Variants in PCLO observed in about 807,000 individuals in gnomAD.
PCLO encodes piccolo presynaptic cytomatrix protein.
In PCLO, 82 loss-of-function variants were observed where a neutral mutation model predicts 427.5. That is an observed-to-expected ratio of 0.19 (90% CI 0.16 to 0.23). PCLO has a LOEUF of 0.23. Among genes scored for constraint, PCLO ranks in the 10% least tolerant of loss-of-function variants. The pLI is 1.00. For missense variants in PCLO, 6,239 were observed against 6,115.9 expected, an observed-to-expected ratio of 1.02 and a Z score of -0.67; for synonymous variants, 2,357 against 2,155.4, an observed-to-expected ratio of 1.09 and a Z score of -2.59.
chr7:82,953,657 T>A lies in PCLO; in HGVS notation c.7296A>T (p.Ser2432=). ...TTTTAGGAAGAATAGTTGGTTTAGGTGAAGTTGGTGGAGGAAGTGGTGGGG... is the reference window on the plus strand; with the variant it reads ...TTTTAGGAAGAATAGTTGGTTTAGGAGAAGTTGGTGGAGGAAGTGGTGGGG... The part of the protein sequence containing the change: ...PPPPPLPPPT[S]PKPTILPKKK... Residue 2432 remains serine, a synonymous_variant, in exon 5 of 25, where the codon TCA becomes TCT. Transcript: ENST00000333891. The A allele has an allele frequency of 5.3e-6, 8 of 1,515,308 alleles. No homozygotes were observed. Among genetic ancestry groups the A allele is most frequent in the Non-Finnish European group, 7.1e-6 (8 of 1,131,844 alleles). The allele number at this position is 1,515,308 out of a possible 1,614,324, so 93.9% of individuals were successfully genotyped here. A position where few individuals can be genotyped will look rare whatever the true frequency, so the allele number is the denominator to read the frequency against.
intron 3 of PCLO, among the ~76,000 whole-genome samples, chr7:83,093,242 A>T (rs545327567): frequency 6.6e-6 from 1 of 151,584 alleles, no homozygotes; most frequent in African/African-American, 2.4e-5. Flanking sequence ...AAATCAATAA[A>T]TGTTGTCTTA....
At chr7:82,997,243 C>T (rs1335062643) in intron 3 of PCLO, among the ~76,000 whole-genome samples, 3 of 151,886 alleles carry the variant, frequency 2.0e-5, no homozygotes, top group Non-Finnish European at 4.4e-5. Flanking sequence ...TCAACAGTCT[C>T]TTAAAGAGGA....
chr7:82,808,266 A>G (rs1791497666), intron 20 of PCLO, among the ~76,000 whole-genome samples: 1 of 151,886 alleles, frequency 6.6e-6, no homozygotes, highest in Non-Finnish European at 1.5e-5. Flanking sequence ...ATTTATATTT[A>G]TTAAATTAAA....
At chr7:83,068,930 A>G (rs1789738439) in intron 3 of PCLO, among the ~76,000 whole-genome samples, 1 of 152,232 alleles carries the variant, frequency 6.6e-6, no homozygotes, top group Non-Finnish European at 1.5e-5. Flanking sequence ...CATAATACAC[A>G]CACATACACA....
At chr7:82,857,824 AAGG>A (rs1311808081) in intron 10 of PCLO, among the ~76,000 whole-genome samples, 6 of 152,286 alleles carry the variant, frequency 3.9e-5, no homozygotes, top group African/African-American at 1.4e-4. Context: ...TCTTTTGACA[AAGG>A]AGGAGAGAGG....
At chr7:82,832,488 C>A (rs1792119543) in intron 16 of PCLO, among the ~76,000 whole-genome samples, 1 of 151,994 alleles carries the variant, frequency 6.6e-6, no homozygotes. Flanking sequence ...CTCCTGACCC[C>A]ATGAACCACC....
intron 22 of PCLO, among the ~76,000 whole-genome samples, chr7:82,794,450 A>ATTTTTTTTGTTT (rs141105612): frequency 3.2e-5 from 2 of 62,030 alleles, no homozygotes; most frequent in Non-Finnish European, 7.7e-5. Context: ...TAGTTCATAA[A>ATTTTTTTTGTTT]TTTTTTTTCT....
At chr7:82,860,998 T>C (rs1792941169) in intron 10 of PCLO, among the ~76,000 whole-genome samples, 1 of 152,000 alleles carries the variant, frequency 6.6e-6, no homozygotes, top group African/African-American at 2.4e-5. Flanking sequence ...AACTAAATTA[T>C]ATCACTAGAG....
rs372228421 is a variant in PCLO at position 82,950,900 on chromosome 7, G to T, written c.9688C>A (p.Arg3230Ser). 1.1e-5 allele frequency: 18 copies of T among 1,613,192 alleles called. No individual in the cohort carries two copies. The highest frequency in any genetic ancestry group is 6.7e-5 in the Admixed American group (4 of 60,000). Residue 3230 changes from arginine to serine, a missense_variant, in exon 6 of 25, where the codon CGC becomes AGC. By Grantham distance (110) the Arg-to-Ser change is moderately radical. Coordinates refer to ENST00000333891, the MANE Select transcript of PCLO (RefSeq NM_033026.6). ...LLELEKIKQQ[R>S]FAEELEWERQ... ...TCCCACTCCAATTCCTCAGCAAAGCGCTGTTGCTTAATTTTCTCCAGTTCC... is the reference window on the plus strand; with the variant it reads ...TCCCACTCCAATTCCTCAGCAAAGCTCTGTTGCTTAATTTTCTCCAGTTCC...
chr7:82,816,246 T>C (rs1791676698), intron 20 of PCLO, among the ~76,000 whole-genome samples: 3 of 152,202 alleles, frequency 2.0e-5, no homozygotes, highest in Admixed American at 2.0e-4. Context: ...AAGCATTTCA[T>C]GGATAGTTAC....
chr7:82,883,886 C>T lies in PCLO; in HGVS notation c.13529-4424G>A, dbSNP rs147988837. Among the ~76,000 whole-genome samples the T allele has an allele frequency of 3.3e-3, 497 of 152,236 alleles. 1 individual carries two copies. Among genetic ancestry groups the T allele is most frequent in the African/African-American group, 0.011 (471 of 41,544 alleles). On this transcript the variant is annotated intron_variant, in intron 9 of 24. Coordinates refer to ENST00000333891, the MANE Select transcript of PCLO (RefSeq NM_033026.6). ...CCAGGCTCAAGCTATTCTCCTGCCT[C>T]GGCCTCCCTAGTAGCTGGGATTACA... is the stretch of plus-strand genomic sequence containing the variant.
intron 3 of PCLO, among the ~76,000 whole-genome samples, chr7:82,988,959 T>A (rs1316535912): frequency 2.0e-5 from 3 of 151,776 alleles, no homozygotes; most frequent in Non-Finnish European, 4.4e-5. Context: ...CTCAGCCTCC[T>A]GAGTAGCTGG....
At chr7:83,030,270 C>T (rs191548850) in intron 3 of PCLO, among the ~76,000 whole-genome samples, 2 of 152,112 alleles carry the variant, frequency 1.3e-5, no homozygotes, top group East Asian at 3.9e-4. Context: ...CAGAGAGCTA[C>T]AAATAATTAA....
chr7:83,094,369 C>A (rs1790477427), intron 3 of PCLO, among the ~76,000 whole-genome samples: 1 of 151,872 alleles, frequency 6.6e-6, no homozygotes, highest in African/African-American at 2.4e-5. Flanking sequence ...CCACCATGCC[C>A]AGCTAATTTT....
At chr7:82,936,580 T>G (rs1465499629) in intron 6 of PCLO, among the ~76,000 whole-genome samples, 1 of 151,624 alleles carries the variant, frequency 6.6e-6, no homozygotes, top group Non-Finnish European at 1.5e-5. Flanking sequence ...GGTGGGAATG[T>G]AAAATGGTTC....
chr7:83,052,856 T>C (rs1359431045), intron 3 of PCLO, among the ~76,000 whole-genome samples: 3 of 152,020 alleles, frequency 2.0e-5, no homozygotes, highest in Non-Finnish European at 4.4e-5. Flanking sequence ...TCTCCCTTCA[T>C]ATTTCTGTAT....
chr7:82,805,888 C>A, intron 20 of PCLO, 59 bp from the exon 21 acceptor site: 1 of 1,480,634 alleles, frequency 6.8e-7, no homozygotes, highest in Non-Finnish European at 9.2e-7. Flanking sequence ...CATTGATCTA[C>A]AAATGCATCA....
chr7:82,908,976 A>C lies in PCLO; in HGVS notation c.13338T>G (p.Asp4446Glu). 1.2e-6 allele frequency: 2 copies of C among 1,612,882 alleles called. No individual in the cohort carries two copies. Among genetic ancestry groups the C allele is most frequent in the Non-Finnish European group, 1.7e-6 (2 of 1,179,214 alleles). ...TTTCCAAACGAGACTCCCTGGGTTT[A>C]TCAAACCAATCTGTTTCCTCACGAC... The part of the protein sequence containing the change: ...HLRREETDWF[D>E]KPRESRLENG... Residue 4446 changes from aspartate to glutamate, a missense_variant, in exon 8 of 25, where the codon GAT becomes GAG. Around this residue, in one of 5 missense-constraint regions of PCLO, gnomAD observed 877 missense variants for 925.5 expected, o/e 0.95. Transcript: ENST00000333891.
intron 4 of PCLO, among the ~76,000 whole-genome samples, chr7:82,962,455 G>A (rs895525310): frequency 2.0e-5 from 3 of 151,930 alleles, no homozygotes; most frequent in Non-Finnish European, 4.4e-5. Flanking sequence ...AAATAGTTGT[G>A]GAAGGTTTGG....
Sources: gnomAD v4.1 joint callset for allele counts (sites outside exome capture counted in the v4.1 genomes callset) on GRCh38, gnomAD v4.1.1 for gene constraint, gnomAD v4.1.1 regional missense constraint, MANE v1.5 for transcripts, NCBI Gene and HGNC (gene_info 2026-07-23, HGNC 2026-07-21) for gene names.